SP4: variants seen among roughly 807,000 people sequenced by gnomAD.
SP4 encodes the protein transcription factor Sp4.
SP4 carries 19 observed loss-of-function variants against 72.8 expected under a neutral mutation model. The ratio of observed to expected loss-of-function variants is 0.26; its 90% CI spans 0.18 to 0.38. SP4 has a LOEUF of 0.38. Ranked by LOEUF, SP4 falls within the 10% of genes least tolerant of loss-of-function variation. The pLI, the probability that SP4 is intolerant of heterozygous loss-of-function variation, is 1.00. For missense variants in SP4, 1,008 were observed against 926.3 expected (o/e 1.09, Z -1.14); for synonymous variants, 395 against 333.1 (o/e 1.19, Z -2.02).
At chr7:21,452,177 AT>A (rs2128398968) in intron 3 of SP4, among the ~76,000 whole-genome samples, 1 of 152,330 alleles carries the variant, frequency 6.6e-6, no homozygotes, top group Admixed American at 6.5e-5. Context: ...TTCAGTTCTC[AT>A]TTTTATTAAG....
intron 3 of SP4, among the ~76,000 whole-genome samples, chr7:21,455,484 C>T (rs565746210): frequency 2.6e-5 from 4 of 152,134 alleles, no homozygotes; most frequent in Non-Finnish European, 4.4e-5. Flanking sequence ...AAAAAGAAAG[C>T]GTCCCCTCTT....
chr7:21,473,920 G>A (rs548676650), intron 3 of SP4, among the ~76,000 whole-genome samples: 1 of 152,260 alleles, frequency 6.6e-6, no homozygotes, highest in Admixed American at 6.5e-5. Context: ...GGAGTTTGGT[G>A]GCTTACTGAT....
chr7:21,477,377 C>A, intron 4 of SP4, 70 bp downstream of exon 4: 1 of 932,996 alleles, frequency 1.1e-6, no homozygotes, highest in Non-Finnish European at 1.7e-6. Context: ...AAGTAATTGG[C>A]TGGGAATGAT....
intron 3 of SP4, among the ~76,000 whole-genome samples, chr7:21,435,186 T>C (rs1437344878): frequency 6.6e-6 from 1 of 152,210 alleles, no homozygotes; most frequent in East Asian, 1.9e-4. Context: ...TGAATGAATA[T>C]TTCTTTGTCA....
chr7:21,463,960 G>A (rs1784081211), intron 3 of SP4, among the ~76,000 whole-genome samples: 1 of 152,086 alleles, frequency 6.6e-6, no homozygotes, highest in Non-Finnish European at 1.5e-5. Flanking sequence ...GTCCTCATCT[G>A]TAAAATGGCA....
In SP4 at chr7:21,429,803, G is replaced by C; in HGVS notation, c.638G>C (p.Arg213Thr). The C allele has an allele frequency of 6.2e-7, 1 of 1,614,162 alleles. No individual in the cohort carries two copies. ...NNQAILTAAN[R>T]TASGNILAQN... The stretch of plus-strand genomic sequence containing the variant: ...CAAGCTATACTCACAGCTGCTAACA[G>C]GACAGCTTCTGGGAATATTCTTGCT... Residue 213 changes from arginine (R) to threonine (T), a missense_variant, in exon 3 of 6, where the codon AGG becomes ACG. This residue lies in a region of SP4 where 893 missense variants were observed against 743.3 expected (regional missense o/e 1.20). Coordinates refer to ENST00000222584, the MANE Select transcript of SP4 (RefSeq NM_003112.5).
At position 21,512,876 on chromosome 7, in the gene SP4, A is replaced by C. The variant is rs940004913; in HGVS notation, c.*1607A>C. Reference sequence around the variant, plus strand: ...CCATGCCCGGCTAGGAAAGGGTCTTACTAGGAAAGATGGCCAAAAGTTTCA... The same window carrying C: ...CCATGCCCGGCTAGGAAAGGGTCTTCCTAGGAAAGATGGCCAAAAGTTTCA... On this transcript the variant is annotated 3_prime_UTR_variant, in exon 6 of 6. Transcript: ENST00000222584. 6.6e-6 allele frequency: 1 copy of C among 152,574 alleles called. No individual in the cohort carries two copies. Among genetic ancestry groups the C allele is most frequent in the African/African-American group, 2.4e-5 (1 of 41,428 alleles). 9.5% of individuals were successfully genotyped at this position (152,574 alleles called of 1,614,324 possible). A position where few individuals can be genotyped will look rare whatever the true frequency, so the allele number is the denominator to read the frequency against.
At chr7:21,478,834 C>T (rs1279457813) in intron 4 of SP4, among the ~76,000 whole-genome samples, 1 of 152,092 alleles carries the variant, frequency 6.6e-6, no homozygotes, top group East Asian at 1.9e-4. Flanking sequence ...CTTCGGGAGG[C>T]CAAGGCAGGT....
At chr7:21,471,959 G>T (rs1218374637) in intron 3 of SP4, among the ~76,000 whole-genome samples, 1 of 152,194 alleles carries the variant, frequency 6.6e-6, no homozygotes, top group East Asian at 1.9e-4. Flanking sequence ...TGTTGTCAGG[G>T]TGAAGGAGAT....
chr7:21,504,535 A>G (rs1473293985), intron 5 of SP4, among the ~76,000 whole-genome samples: 1 of 152,180 alleles, frequency 6.6e-6, no homozygotes, highest in Admixed American at 6.5e-5. Context: ...GCCTTATCCC[A>G]TCATGTAGTG....
Position 21,429,849 on chromosome 7 carries a change from A to C in SP4, c.684A>C (p.Thr228=), listed in dbSNP as rs1292360641. The change falls in exon 3 of 6, where the codon ACA becomes ACC. Residue 228 remains threonine (T), a synonymous_variant. Transcript: ENST00000222584. Reference sequence around the variant, plus strand: ...TTGCTCAAAACCTGGCAAATCAGACAGTTCCGGTCCAAATTAGACCTGGTG... The same window carrying C: ...TTGCTCAAAACCTGGCAAATCAGACCGTTCCGGTCCAAATTAGACCTGGTG... The part of the protein sequence containing the change: ...NILAQNLANQ[T]VPVQIRPGVS... 1.2e-6 allele frequency: 2 copies of C among 1,614,224 alleles called. No homozygotes were observed. Among genetic ancestry groups the C allele is most frequent in the East Asian group, 4.5e-5 (2 of 44,888 alleles).
At chr7:21,431,939 A>G (rs1319367726) in intron 3 of SP4, among the ~76,000 whole-genome samples, 1 of 152,228 alleles carries the variant, frequency 6.6e-6, no homozygotes, top group Non-Finnish European at 1.5e-5. Context: ...GTAGGCATAT[A>G]TATGTAAAAT....
chr7:21,435,196 A>G (rs1398040390), intron 3 of SP4, among the ~76,000 whole-genome samples: 1 of 152,158 alleles, frequency 6.6e-6, no homozygotes, highest in Non-Finnish European at 1.5e-5. Flanking sequence ...TTTCTTTGTC[A>G]ATTTTAGTGG....
At chr7:21,475,210 G>A (rs1471902758) in intron 3 of SP4, among the ~76,000 whole-genome samples, 1 of 151,812 alleles carries the variant, frequency 6.6e-6, no homozygotes, top group Non-Finnish European at 1.5e-5. Context: ...TGCCTCCCGG[G>A]TTCAAGCGAT....
At chr7:21,459,994 G>T (rs1298633028) in intron 3 of SP4, among the ~76,000 whole-genome samples, 1 of 152,226 alleles carries the variant, frequency 6.6e-6, no homozygotes, top group Admixed American at 6.5e-5. Flanking sequence ...AATGGTAAAA[G>T]ATGGTAATAC....
rs566358052 is a variant in SP4 at position 21,507,354 on chromosome 7, T to C, written c.2108-3668T>C. Among the ~76,000 whole-genome samples, 3 of 152,336 alleles carry C rather than the reference T, an allele frequency of 2.0e-5. No individual in the cohort carries two copies. In the East Asian group the frequency reaches 5.8e-4, roughly 29 times the overall value. On this transcript the variant is annotated intron_variant, in intron 5 of 5. Transcript: ENST00000222584. ...CTCTTACAGTGTTCTTTTCTTAAATTTGGATAAGGATTTAGAGGAGCAGTT... is the reference window on the plus strand; with the variant it reads ...CTCTTACAGTGTTCTTTTCTTAAATCTGGATAAGGATTTAGAGGAGCAGTT...
In SP4 at chr7:21,428,528, C is replaced by A; in HGVS notation, c.8-149C>A. On this transcript the variant is annotated intron_variant, in intron 1 of 5. Coordinates refer to ENST00000222584, the MANE Select transcript of SP4 (RefSeq NM_003112.5). ...TATCCCCCTCCTCCCTTCCCTCCTT[C>A]TCCCCCACCCCCTGCCGGTGTGCGT... The A allele has an allele frequency of 4.4e-6, 4 of 918,110 alleles. No homozygotes were observed. The South Asian group carries it at 5.2e-5, about 12-fold the overall frequency. 56.9% of individuals were successfully genotyped at this position (918,110 alleles called of 1,614,324 possible).
At chr7:21,474,588 C>G (rs1423112188) in intron 3 of SP4, among the ~76,000 whole-genome samples, 1 of 152,096 alleles carries the variant, frequency 6.6e-6, no homozygotes, top group East Asian at 1.9e-4. Context: ...ATAATTATAC[C>G]TTTTGTTTAT....
chr7:21,505,893 ACTT>A (rs1781984736), intron 5 of SP4, among the ~76,000 whole-genome samples: 1 of 152,242 alleles, frequency 6.6e-6, no homozygotes, highest in South Asian at 2.1e-4. Context: ...TCTGCAAACT[ACTT>A]CTGGTTGTTT....
Sources: gnomAD v4.1 joint callset for allele counts (sites outside exome capture counted in the v4.1 genomes callset) on GRCh38, gnomAD v4.1.1 for gene constraint, gnomAD v4.1.1 regional missense constraint, MANE v1.5 for transcripts, NCBI Gene and HGNC (gene_info 2026-07-23, HGNC 2026-07-21) for gene names.